The following CLASP1 variants were observed in gnomAD, a reference collection of about 807,000 sequenced individuals.
CLASP1 encodes the protein cytoplasmic linker associated protein 1.
In CLASP1, 38 loss-of-function variants were observed where a neutral mutation model predicts 192.3. The observed-to-expected ratio is 0.20, with a 90% CI of 0.15 to 0.26. The LOEUF (loss-of-function observed/expected upper bound fraction) is 0.26, where lower values mean the gene tolerates loss of function less well. Among genes scored for constraint, CLASP1 ranks in the 10% least tolerant of loss-of-function variants. CLASP1 has a pLI of 1.00. For synonymous variants in CLASP1, 691 were observed against 712.8 expected, an observed-to-expected ratio of 0.97 and a Z score of 0.49; for missense variants, 1,433 against 1,932.5, an observed-to-expected ratio of 0.74 and a Z score of 4.85.
chr2:121,631,687 G>A (rs886908628), intron 1 of CLASP1, among the ~76,000 whole-genome samples: 2 of 152,124 alleles, frequency 1.3e-5, no homozygotes, highest in Non-Finnish European at 2.9e-5. Context: ...AAGGTGGGAG[G>A]ATCGCTTGAG....
intron 2 of CLASP1, among the ~76,000 whole-genome samples, chr2:121,548,994 A>G (rs2057745696): frequency 6.6e-6 from 1 of 152,216 alleles, no homozygotes; most frequent in South Asian, 2.1e-4. Flanking sequence ...AGTGTTAAAT[A>G]TGCAGACCAG....
At chr2:121,430,243 A>C in intron 19 of CLASP1, 66 bp from the exon 20 acceptor site, 1 of 1,264,814 alleles carries the variant, frequency 7.9e-7, no homozygotes, top group South Asian at 1.3e-5. Context: ...TCAAGAAAAG[A>C]AGCCATGCCC....
chr2:121,466,015 T>C (rs1040271150), intron 9 of CLASP1, among the ~76,000 whole-genome samples: 1 of 152,158 alleles, frequency 6.6e-6, no homozygotes, highest in Non-Finnish European at 1.5e-5. Context: ...TATACAAAAA[T>C]TAATTCAAGA....
intron 34 of CLASP1, 140 bp downstream of exon 35, chr2:121,377,359 A>G: frequency 3.1e-6 from 2 of 655,044 alleles, no homozygotes; most frequent in Non-Finnish European, 5.1e-6. Context: ...CATGTCAACT[A>G]AAACTAAAAG....
Position 121,478,699 on chromosome 2 carries a change from C to T in CLASP1, c.713-8739G>A, listed in dbSNP as rs527819951. ...CCACACACACACCCCACACACACAACCACACCCCACACACACAACCACACA... is the reference window on the plus strand; with the variant it reads ...CCACACACACACCCCACACACACAATCACACCCCACACACACAACCACACA... On this transcript the variant is annotated intron_variant, in intron 8 of 39. Transcript: ENST00000263710. Among the ~76,000 whole-genome samples, 561 of 58,440 alleles carry T rather than the reference C, an allele frequency of 9.6e-3. 13 individuals are homozygous for T. Among genetic ancestry groups the T allele is most frequent in the African/African-American group, 0.033 (536 of 16,280 alleles). The allele number at this position is 58,440 out of a possible 152,430, so 38.3% of individuals were successfully genotyped here.
At chr2:121,413,961 T>A (rs191700938) in intron 23 of CLASP1, among the ~76,000 whole-genome samples, 180 bp downstream of exon 24, 19 of 152,308 alleles carry the variant, frequency 1.2e-4, no homozygotes, top group Admixed American at 1.1e-3. Flanking sequence ...ATGAAGCATC[T>A]ACAGCCTATT....
chr2:121,564,994 A>G (rs1477117671), intron 2 of CLASP1, among the ~76,000 whole-genome samples: 2 of 152,204 alleles, frequency 1.3e-5, no homozygotes, highest in Non-Finnish European at 2.9e-5. Context: ...TTGTATACAC[A>G]GGTGGGGAAA....
At chr2:121,551,481 G>A (rs2058038323) in intron 2 of CLASP1, among the ~76,000 whole-genome samples, 1 of 152,198 alleles carries the variant, frequency 6.6e-6, no homozygotes, top group South Asian at 2.1e-4. Flanking sequence ...CTCATTCAGC[G>A]ATCAACAACT....
intron 1 of CLASP1, among the ~76,000 whole-genome samples, chr2:121,633,677 G>A (rs1020885355): frequency 6.6e-6 from 1 of 151,972 alleles, no homozygotes; most frequent in Non-Finnish European, 1.5e-5. Context: ...TCACAAGCTA[G>A]GTCCCCAGCC....
At chr2:121,545,158 C>A (rs1223556352) in intron 2 of CLASP1, among the ~76,000 whole-genome samples, 2 of 152,110 alleles carry the variant, frequency 1.3e-5, no homozygotes, top group African/African-American at 4.8e-5. Context: ...AAGTGATCCA[C>A]CTGCCTCGGC....
intron 20 of CLASP1, among the ~76,000 whole-genome samples, chr2:121,427,750 A>G (rs1471230659): frequency 6.6e-6 from 1 of 152,222 alleles, no homozygotes; most frequent in Non-Finnish European, 1.5e-5. Context: ...TACCATCTTC[A>G]AAAGTGCTTA....
rs34423741 is a variant in CLASP1 at position 121,555,988 on chromosome 2, C to CTTTTTTT, written c.196-25670_196-25664dup. 3.8e-3 allele frequency among the ~76,000 whole-genome samples: 159 copies of CTTTTTTT among 42,392 alleles called. 42 individuals are homozygous for CTTTTTTT. The highest frequency in any genetic ancestry group is 0.015 in the African/African-American group (138 of 9,088). 27.8% of individuals were successfully genotyped at this position (42,392 alleles called of 152,430 possible). ...CACGGCGCCTGCCCCCTACCCACCGCTTTTTTTTTTTTTTTTTTTTTTTTT... is the reference window on the plus strand; with the variant it reads ...CACGGCGCCTGCCCCCTACCCACCGCTTTTTTTTTTTTTTTTTTTTTTTTTTTTTTTT... On this transcript the variant is annotated intron_variant, in intron 2 of 39. Transcript: ENST00000263710.
intron 8 of CLASP1, among the ~76,000 whole-genome samples, chr2:121,471,166 A>G (rs976991150): frequency 1.3e-5 from 2 of 152,190 alleles, no homozygotes; most frequent in South Asian, 4.1e-4. Flanking sequence ...CTGTAGTCCC[A>G]GATACTCAGA....
intron 8 of CLASP1, among the ~76,000 whole-genome samples, chr2:121,475,635 T>C (rs938174072): frequency 6.6e-6 from 1 of 152,266 alleles, no homozygotes; most frequent in Non-Finnish European, 1.5e-5. Flanking sequence ...TGGTAGTATC[T>C]AACCTCTTTT....
chr2:121,648,671 C>T (rs1467894700), intron 1 of CLASP1, among the ~76,000 whole-genome samples: 2 of 152,204 alleles, frequency 1.3e-5, no homozygotes, highest in East Asian at 1.9e-4. Context: ...CACTCATCTT[C>T]GTCAGAGCGT....
intron 34 of CLASP1, among the ~76,000 whole-genome samples, chr2:121,372,106 A>C (rs1051621077): frequency 6.6e-6 from 1 of 152,260 alleles, no homozygotes; most frequent in Admixed American, 6.5e-5. Context: ...TTACATCAAA[A>C]CATTGGCAAG....
chr2:121,639,459 A>C (rs979538871), intron 1 of CLASP1, among the ~76,000 whole-genome samples: 4 of 152,196 alleles, frequency 2.6e-5, no homozygotes, highest in African/African-American at 9.7e-5. Context: ...GTTATTGCTT[A>C]ATGGCTACAG....
chr2:121,367,771 C>G, exon 35 of CLASP1: 1 of 1,613,946 alleles, frequency 6.2e-7, no homozygotes. Flanking sequence ...CGGCCTCCTT[C>G]TACTTCACTA....
chr2:121,530,540 G>A (rs1329599741), intron 2 of CLASP1: 5 of 551,698 alleles, frequency 9.1e-6, no homozygotes, highest in East Asian at 2.9e-5. Flanking sequence ...TCGGTGAGGA[G>A]AAACGAAATA....
Sources: allele counts gnomAD v4.1 joint callset (sites outside exome capture counted in the v4.1 genomes callset), GRCh38; gene constraint gnomAD v4.1.1; transcripts MANE v1.5; gene names NCBI Gene and HGNC (gene_info 2026-07-23, HGNC 2026-07-21).